Variants in PCDHGC4 observed in about 807,000 individuals in gnomAD.
The protein encoded by PCDHGC4 is protocadherin gamma subfamily C, 4.
Under a neutral mutation model 59.7 loss-of-function variants are expected in PCDHGC4, and 15 were observed. The observed-to-expected ratio is 0.25, with a 90% confidence interval of 0.17 to 0.39. The LOEUF is 0.39. Among genes scored for constraint, PCDHGC4 ranks in the 10% least tolerant of loss-of-function variants. The pLI is 1.00. For synonymous variants in PCDHGC4, 434 were observed against 481.4 expected (o/e 0.90, Z 1.29); for missense variants, 1,016 against 1,189.5 (o/e 0.85, Z 2.15).
In PCDHGC4 at chr5:141,489,198, C is replaced by G; in HGVS notation, c.2442+1583C>G. 1 of 1,392,402 alleles carries G rather than the reference C, an allele frequency of 7.2e-7. No individual in the cohort carries two copies. Among genetic ancestry groups the G allele is most frequent in the South Asian group, 1.4e-5 (1 of 71,348 alleles). The allele number at this position is 1,392,402 out of a possible 1,614,324, so 86.3% of individuals were successfully genotyped here. A position where few individuals can be genotyped will look rare whatever the true frequency, so the allele number is the denominator to read the frequency against. On this transcript the variant is annotated intron_variant, in intron 1 of 3. Coordinates refer to ENST00000306593, the MANE Select transcript of PCDHGC4 (RefSeq NM_018928.3). This position sits in a 1 kb window ranked among gnomAD's most constrained non-coding sequence, Gnocchi z 4.5. ...CCAAGCCCTGGGTCTACCTTGGAGA[C>G]AGGACAGCACAGACTTACTCTCCAC...
intron 2 of PCDHGC4, among the ~76,000 whole-genome samples, chr5:141,498,971 G>GGGAAGGAA (rs201769957): frequency 0.022 from 2,449 of 111,032 alleles, 52 homozygotes; most frequent in African/African-American, 0.046. Flanking sequence ...GAGGGAGGGA[G>GGGAAGGAA]GGAAGGAAGG....
At chr5:141,499,168 C>T (rs1169979036) in intron 2 of PCDHGC4, among the ~76,000 whole-genome samples, 3 of 152,184 alleles carry the variant, frequency 2.0e-5, no homozygotes, top group African/African-American at 7.2e-5. Context: ...GTCTCAAGCT[C>T]TGAGCCCAGC....
At chr5:141,507,132 C>T (rs748716107) in intron 3 of PCDHGC4, 2 of 152,188 alleles carry the variant, frequency 1.3e-5, no homozygotes, top group African/African-American at 2.4e-5. Flanking sequence ...GATCCAGCCT[C>T]GGCTTCTCTA....
intron 2 of PCDHGC4, among the ~76,000 whole-genome samples, chr5:141,501,703 G>A (rs183907124): frequency 6.6e-6 from 1 of 152,088 alleles, no homozygotes; most frequent in Non-Finnish European, 1.5e-5. Flanking sequence ...GTGATTCCGA[G>A]GATAAAAAAG....
At position 141,505,383 on chromosome 5, in the gene PCDHGC4, C is replaced by G. The variant is rs369765886; in HGVS notation, c.2502-10C>G. On this transcript the variant is annotated splice_polypyrimidine_tract_variant and intron_variant, in intron 2 of 3. Transcript: ENST00000306593. ...GGGAGTCTGTGCTCACCATCCTACT[C>G]TCTCCCCAGCTCCCAAAATGGCGAT... The G allele has an allele frequency of 6.2e-7, 1 of 1,613,944 alleles. No homozygotes were observed. The highest frequency in any genetic ancestry group is 1.3e-5 in the African/African-American group (1 of 74,914).
rs2233602 is a variant in PCDHGC4, at chr5:141,490,032, C to T, written c.2442+2417C>T. 47,990 of 1,614,182 alleles carry T rather than the reference C, an allele frequency of 0.03. 1,413 individuals are homozygous for T. Among genetic ancestry groups the T allele is most frequent in the African/African-American group, 0.15 (11,444 of 75,040 alleles). On this transcript the variant is annotated intron_variant, in intron 1 of 3. Coordinates refer to ENST00000306593, the MANE Select transcript of PCDHGC4 (RefSeq NM_018928.3). The surrounding 1 kb of genome is among the most constrained non-coding windows in gnomAD (Gnocchi z 5.4). ...CCATTGGTACTCTGCTGCTCCGCCT[C>T]AATGCCACTGATCCAGACGAGGGCA...
chr5:141,491,227 C>T lies in PCDHGC4; in HGVS notation c.2443-3580C>T. 6.2e-7 allele frequency: 1 copy of T among 1,614,216 alleles called. No homozygotes were observed. The highest frequency in any genetic ancestry group is 8.5e-7 in the Non-Finnish European group (1 of 1,180,018). On this transcript the variant is annotated intron_variant, in intron 1 of 3. Coordinates refer to ENST00000306593, the MANE Select transcript of PCDHGC4 (RefSeq NM_018928.3). The surrounding 1 kb of genome is among the most constrained non-coding windows in gnomAD (Gnocchi z 6.9). Reference sequence around the variant, plus strand: ...TTCACTCTCCTCCACAGCCACAGTGCTGCTGGTTCTGGAGGATGAGGACCC... The same window carrying T: ...TTCACTCTCCTCCACAGCCACAGTGTTGCTGGTTCTGGAGGATGAGGACCC...
rs1441582051 is a variant in PCDHGC4, at chr5:141,487,416, G to A, written c.2243G>A (p.Gly748Glu). 1 of 1,614,088 alleles carries A rather than the reference G, an allele frequency of 6.2e-7. No individual in the cohort carries two copies. Among genetic ancestry groups the A allele is most frequent in the Admixed American group, 1.7e-5 (1 of 60,024 alleles). Residue 748 changes from glycine to glutamate, a missense_variant, in exon 1 of 4, where the codon GGG (glycine) becomes GAG (glutamate). Physicochemically the swap from Gly to Glu is moderately conservative, Grantham distance 98. Coordinates refer to ENST00000306593, the MANE Select transcript of PCDHGC4 (RefSeq NM_018928.3). The surrounding 1 kb of genome is among the most constrained non-coding windows in gnomAD (Gnocchi z 5.0). The part of the protein sequence containing the change: ...RRREGLPPSN[G>E]ILRIQLGSDD... ...AGGGAGGGGCTTCCCCCTTCCAATGGGATCCTCCGAATCCAGCTAGGGTCA... is the reference window on the plus strand; with the variant it reads ...AGGGAGGGGCTTCCCCCTTCCAATGAGATCCTCCGAATCCAGCTAGGGTCA...
At chr5:141,505,300 G>A in intron 2 of PCDHGC4, 93 bp from the exon 3 acceptor site, 1 of 1,589,042 alleles carries the variant, frequency 6.3e-7, no homozygotes, top group South Asian at 1.1e-5. Flanking sequence ...GGTAGGGTTA[G>A]GGTACTAGGT....
In PCDHGC4 at chr5:141,511,548, A is replaced by C; in HGVS notation, c.*375A>C. 3.3e-6 allele frequency: 1 copy of C among 306,952 alleles called. No homozygotes were observed. The highest frequency in any genetic ancestry group is 6.3e-6 in the Non-Finnish European group (1 of 158,248). 19.0% of individuals were successfully genotyped at this position (306,952 alleles called of 1,614,324 possible). ...CCTCCCTCCTCCCCACCCCACTCCA[A>C]CAGTTCCTCTTTCCCGAGTAAGGTG... is the stretch of plus-strand genomic sequence containing the variant. On this transcript the variant is annotated 3_prime_UTR_variant, in exon 4 of 4. Transcript: ENST00000306593.
Position 141,494,803 on chromosome 5 carries a change from A to G in PCDHGC4, c.2443-4A>G. On this transcript the variant is annotated splice_polypyrimidine_tract_variant and splice_region_variant and intron_variant, in intron 1 of 3. Transcript: ENST00000306593. ...CAGCCCCTTTCCCTCTGTTTTCTCC[A>G]CAGCAAGCCCCGCCCAACACGGACT... The G allele has an allele frequency of 6.2e-7, 1 of 1,613,646 alleles. No individual in the cohort carries two copies. Among genetic ancestry groups the G allele is most frequent in the Non-Finnish European group, 8.5e-7 (1 of 1,179,900 alleles).
In PCDHGC4 at chr5:141,511,112, G is replaced by C. The variant is rs767257788; in HGVS notation, c.2756G>C (p.Gly919Ala). The change falls in exon 4 of 4, where the codon GGC becomes GCC. Residue 919 changes from glycine (G) to alanine (A), a missense_variant. Coordinates refer to ENST00000306593, the MANE Select transcript of PCDHGC4 (RefSeq NM_018928.3). ...TLTNAAGKRD[G>A]KAPAGGNGNK... The stretch of plus-strand genomic sequence containing the variant: ...ACCAACGCAGCTGGCAAGCGGGATG[G>C]CAAGGCCCCAGCAGGTGGCAATGGC... The C allele has an allele frequency of 4.3e-6, 7 of 1,614,232 alleles. No homozygotes were observed. Among genetic ancestry groups the C allele is most frequent in the Non-Finnish European group, 5.9e-6 (7 of 1,180,024 alleles).
At chr5:141,506,444 CAAAAAAAA>C (rs1219684339) in intron 3 of PCDHGC4, among the ~76,000 whole-genome samples, 24 of 95,024 alleles carry the variant, frequency 2.5e-4, no homozygotes, top group African/African-American at 9.5e-4. Flanking sequence ...CGCTCTGTCT[CAAAAAAAA>C]AAAAAAAAAA....
rs1254680765 is a variant in PCDHGC4 at position 141,491,399 on chromosome 5, A to G, written c.2443-3408A>G. ...CTGTCAGCGAAGTGCCTTCAGGGAA[A>G]CGCAGACGGGGACGGGGGTGGAGGG... On this transcript the variant is annotated intron_variant, in intron 1 of 3. Transcript: ENST00000306593. This position sits in a 1 kb window ranked among gnomAD's most constrained non-coding sequence, Gnocchi z 6.9. 3 of 1,613,998 alleles carry G rather than the reference A, an allele frequency of 1.9e-6. No homozygotes were observed. Among genetic ancestry groups the G allele is most frequent in the Non-Finnish European group, 2.5e-6 (3 of 1,180,028 alleles).
At position 141,489,886 on chromosome 5, in the gene PCDHGC4, G is replaced by A; in HGVS notation, c.2442+2271G>A. ...ACATCAGCTGGTGCTTACTGCTGTG[G>A]ATGGGGGGACCCCAGCCCGCTCAGG... is the stretch of plus-strand genomic sequence containing the variant. On this transcript the variant is annotated intron_variant, in intron 1 of 3. Transcript: ENST00000306593. This position sits in a 1 kb window ranked among gnomAD's most constrained non-coding sequence, Gnocchi z 4.5. 6.2e-7 allele frequency: 1 copy of A among 1,614,256 alleles called. No individual in the cohort carries two copies. The highest frequency in any genetic ancestry group is 8.5e-7 in the Non-Finnish European group (1 of 1,180,044).
chr5:141,506,994 G>A (rs1053891468), intron 3 of PCDHGC4: 1 of 152,126 alleles, frequency 6.6e-6, no homozygotes, highest in Non-Finnish European at 1.5e-5. Context: ...TCTCACACTC[G>A]ACAGATGAGA....
At position 141,491,658 on chromosome 5, in the gene PCDHGC4, C is replaced by A; in HGVS notation, c.2443-3149C>A. 1 of 1,613,822 alleles carries A rather than the reference C, an allele frequency of 6.2e-7. No homozygotes were observed. The highest frequency in any genetic ancestry group is 8.5e-7 in the Non-Finnish European group (1 of 1,180,016). On this transcript the variant is annotated intron_variant, in intron 1 of 3. Coordinates refer to ENST00000306593, the MANE Select transcript of PCDHGC4 (RefSeq NM_018928.3). The surrounding 1 kb of genome is among the most constrained non-coding windows in gnomAD (Gnocchi z 6.9). ...CCACAGCTCTGGCGCTGGAGCCTGA[C>A]GCCATCCGGTCCCGCTCTAATACGC... is the stretch of plus-strand genomic sequence containing the variant.
Position 141,489,434 on chromosome 5 carries a change from A to G in PCDHGC4, c.2442+1819A>G. On this transcript the variant is annotated intron_variant, in intron 1 of 3. Transcript: ENST00000306593. This position sits in a 1 kb window ranked among gnomAD's most constrained non-coding sequence, Gnocchi z 4.5. ...ACAGATCTGTTGAGCCGGCGGCTGC[A>G]ATTGGGCTCTGAGGAGAATGGGCGC... 6.2e-7 allele frequency: 1 copy of G among 1,614,138 alleles called. No individual in the cohort carries two copies. The highest frequency in any genetic ancestry group is 8.5e-7 in the Non-Finnish European group (1 of 1,180,044).
chr5:141,488,540 A>C (rs901890616), intron 1 of PCDHGC4, among the ~76,000 whole-genome samples: 6 of 152,146 alleles, frequency 3.9e-5, no homozygotes, highest in Admixed American at 2.0e-4. Context: ...GCTAAGTCCC[A>C]TGTCAGCTGA....
Sources: allele counts gnomAD v4.1 joint callset (sites outside exome capture counted in the v4.1 genomes callset), GRCh38; gene constraint gnomAD v4.1.1; non-coding constraint Gnocchi (gnomAD v3.1); transcripts MANE v1.5; gene names NCBI Gene and HGNC (gene_info 2026-07-23, HGNC 2026-07-21).